CSNK2A2IP: variants seen among roughly 807,000 people sequenced by gnomAD.
CSNK2A2IP encodes casein kinase 2 subunit alpha' interacting protein.
the CSNK2A2IP span, among the ~76,000 whole-genome samples, chr3:88,414,853 GA>G: frequency 1.3e-5 from 2 of 151,842 alleles, no homozygotes; most frequent in African/African-American, 4.9e-5. Context: ...AGTTAAATAG[GA>G]AAGACGAGCA....
chr3:88,384,373 A>AC, the CSNK2A2IP span, among the ~76,000 whole-genome samples: 1 of 133,088 alleles, frequency 7.5e-6, no homozygotes, highest in East Asian at 2.2e-4. Context: ...AAAATTAAAA[A>AC]AAAAACAAAA....
chr3:88,338,473 T>A, the CSNK2A2IP span: 1 of 151,890 alleles, frequency 6.6e-6, no homozygotes, highest in South Asian at 2.1e-4. Flanking sequence ...ACACCCTCAT[T>A]TTCCAGCAGT....
At chr3:88,404,476 T>C in the CSNK2A2IP span, among the ~76,000 whole-genome samples, 9 of 152,300 alleles carry the variant, frequency 5.9e-5, no homozygotes, top group South Asian at 2.1e-4. Flanking sequence ...CCAGGCCCAA[T>C]TGGAATAAGT....
the CSNK2A2IP span, among the ~76,000 whole-genome samples, chr3:88,364,142 C>T: frequency 1.3e-5 from 2 of 152,188 alleles, no homozygotes; most frequent in East Asian, 3.9e-4. Flanking sequence ...ATGCCATGGT[C>T]CAAGAATTCT....
chr3:88,397,057 G>A, the CSNK2A2IP span, among the ~76,000 whole-genome samples: 28 of 152,202 alleles, frequency 1.8e-4, no homozygotes, highest in African/African-American at 6.0e-4. Context: ...AAGAGGGCAT[G>A]TGAAATAGAT....
the CSNK2A2IP span, among the ~76,000 whole-genome samples, chr3:88,429,152 C>T: frequency 1.3e-5 from 2 of 151,746 alleles, no homozygotes; most frequent in Non-Finnish European, 2.9e-5. Flanking sequence ...AAACATGATT[C>T]TCCAATCTAG....
At chr3:88,467,086 T>C in the CSNK2A2IP span, 1 of 716,096 alleles carries the variant, frequency 1.4e-6, no homozygotes, top group Non-Finnish European at 1.9e-6. Context: ...GCAAATATGG[T>C]GGGCGGTAGC....
the CSNK2A2IP span, among the ~76,000 whole-genome samples, chr3:88,363,370 G>C: frequency 6.6e-6 from 1 of 152,012 alleles, no homozygotes; most frequent in Non-Finnish European, 1.5e-5. Context: ...CAGTCGTAAA[G>C]TTCTCATCTC....
chr3:88,411,351 ATCTATCTATCTATCTATCTATCTATCTG>A, the CSNK2A2IP span, among the ~76,000 whole-genome samples: 8 of 110,748 alleles, frequency 7.2e-5, no homozygotes, highest in African/African-American at 3.1e-4. Context: ...TCTATCTATC[ATCTATCTATCTATCTATCTATCTATCTG>A]TCTATCTATC....
chr3:88,365,338 T>C, the CSNK2A2IP span, among the ~76,000 whole-genome samples: 1 of 152,302 alleles, frequency 6.6e-6, no homozygotes, highest in East Asian at 1.9e-4. Context: ...TTTTGATCAT[T>C]CATATTTATG....
the CSNK2A2IP span, among the ~76,000 whole-genome samples, chr3:88,412,768 C>A: frequency 2.6e-5 from 4 of 151,978 alleles, no homozygotes; most frequent in Admixed American, 6.6e-5. Context: ...GGCTACAAAT[C>A]TGTACAGCAT....
At chr3:88,467,040 C>T in the CSNK2A2IP span, 1 of 1,070,830 alleles carries the variant, frequency 9.3e-7, no homozygotes, top group Non-Finnish European at 1.2e-6. Flanking sequence ...AGTTTTTCCC[C>T]ACATCTGAAC....
chr3:88,393,964 G>A, the CSNK2A2IP span, among the ~76,000 whole-genome samples: 1 of 152,166 alleles, frequency 6.6e-6, no homozygotes, highest in Non-Finnish European at 1.5e-5. Context: ...AGCGCTAGGG[G>A]ACAATGATGA....
the CSNK2A2IP span, among the ~76,000 whole-genome samples, chr3:88,370,158 C>A: frequency 6.6e-6 from 1 of 151,700 alleles, no homozygotes; most frequent in East Asian, 1.9e-4. Flanking sequence ...CTGTGCCAGC[C>A]TAAATAACAG....
chr3:88,446,094 C>CTT, the CSNK2A2IP span, among the ~76,000 whole-genome samples: 2 of 75,076 alleles, frequency 2.7e-5, no homozygotes, highest in African/African-American at 1.1e-4. Context: ...TTCTTTCTTT[C>CTT]TTTCTTTTTT....
chr3:88,344,399 G>A, the CSNK2A2IP span, among the ~76,000 whole-genome samples: 1 of 151,740 alleles, frequency 6.6e-6, no homozygotes, highest in African/African-American at 2.4e-5. Flanking sequence ...CTGAACTTTA[G>A]TAATAACTAC....
chr3:88,467,152 G>C, the CSNK2A2IP span: 9 of 406,516 alleles, frequency 2.2e-5, no homozygotes, highest in African/African-American at 8.2e-5. Flanking sequence ...GCTGTTTTAT[G>C]TTAAAAAAAA....
the CSNK2A2IP span, among the ~76,000 whole-genome samples, chr3:88,439,403 GT>G: frequency 0.014 from 2,077 of 151,986 alleles, 41 homozygotes; most frequent in African/African-American, 0.048. Flanking sequence ...ACCTTTTTAG[GT>G]TTTTTTATGG....
the CSNK2A2IP span, among the ~76,000 whole-genome samples, chr3:88,415,461 AACTG>A: frequency 6.6e-6 from 1 of 151,996 alleles, no homozygotes; most frequent in East Asian, 1.9e-4. Flanking sequence ...CTTAGGTAGA[AACTG>A]ATTTTGACGT....
Sources: gnomAD v4.1 joint callset for allele counts (sites outside exome capture counted in the v4.1 genomes callset) on GRCh38, gnomAD v4.1.1 for gene constraint, MANE v1.5 for transcripts, NCBI Gene and HGNC (gene_info 2026-07-23, HGNC 2026-07-21) for gene names.